The following USO1 variants were observed in gnomAD, a reference collection of about 807,000 sequenced individuals.
USO1 encodes general vesicular transport factor p115.
Under a neutral mutation model 124.5 loss-of-function variants are expected in USO1, and 57 were observed. That is an observed-to-expected ratio of 0.46 (90% CI 0.37 to 0.57). USO1 has a LOEUF of 0.57. USO1 is among the 20% of genes least tolerant of loss of function. USO1 has a pLI of 0.00. For missense variants in USO1, 900 were observed against 1,040.6 expected (o/e 0.86, Z 1.86); for synonymous variants, 369 against 362.8 (o/e 1.02, Z -0.19).
At chr4:75,755,291 C>G (rs186599323) in intron 3 of USO1, among the ~76,000 whole-genome samples, 1 of 152,150 alleles carries the variant, frequency 6.6e-6, no homozygotes, top group Non-Finnish European at 1.5e-5. Flanking sequence ...AGAGATGAAT[C>G]GAAAAGTTTT....
intron 10 of USO1, 80 bp from the exon 11 acceptor site, chr4:75,790,070 G>T (rs191926431): frequency 0.018 from 23,362 of 1,298,708 alleles, 293 homozygotes; most frequent in South Asian, 0.028. Flanking sequence ...AAAAAAAAAA[G>T]ATTTTTTTTC....
chr4:75,755,360 A>G (rs1291809030), intron 3 of USO1: 1 of 465,172 alleles, frequency 2.1e-6, no homozygotes, highest in Non-Finnish European at 4.3e-6. Flanking sequence ...GTCTCTTTGT[A>G]TTTCCATTCA....
At chr4:75,801,390 G>C (rs575463893) in intron 17 of USO1, among the ~76,000 whole-genome samples, 190 bp downstream of exon 17, 1 of 152,314 alleles carries the variant, frequency 6.6e-6, no homozygotes, top group Admixed American at 6.5e-5. Context: ...TGATTTATTA[G>C]ATAATGATGA....
chr4:75,753,667 G>A (rs954126289), intron 3 of USO1, among the ~76,000 whole-genome samples: 18 of 151,954 alleles, frequency 1.2e-4, no homozygotes, highest in Admixed American at 2.0e-4. Flanking sequence ...GCAGTGAGCC[G>A]TGATCATACC....
chr4:75,756,734 A>C (rs183286397), intron 3 of USO1, among the ~76,000 whole-genome samples: 437 of 151,870 alleles, frequency 2.9e-3, no homozygotes, highest in African/African-American at 1.0e-2. Flanking sequence ...GCTGGTCTCG[A>C]ACTCCCAACT....
At chr4:75,741,984 C>T (rs532795700) in intron 1 of USO1, among the ~76,000 whole-genome samples, 2 of 152,304 alleles carry the variant, frequency 1.3e-5, no homozygotes, top group Admixed American at 1.3e-4. Flanking sequence ...CTACCCTCAT[C>T]TCTTGTTCCA....
At chr4:75,749,506 A>G (rs1358283962) in intron 1 of USO1, among the ~76,000 whole-genome samples, 2 of 145,688 alleles carry the variant, frequency 1.4e-5, no homozygotes, top group African/African-American at 5.1e-5. Flanking sequence ...AGTTCAAGTG[A>G]TCCACCTGCC....
chr4:75,808,995 G>A lies in USO1; in HGVS notation c.2419G>A (p.Glu807Lys), dbSNP rs774235671. The change falls in exon 21 of 24, where the codon GAG becomes AAG. Residue 807 changes from glutamate to lysine, a missense_variant. Coordinates refer to ENST00000514213, the MANE Select transcript of USO1 (RefSeq NM_003715.4). ...GTCTCAGTTAAACTCACAATCTGTGGAGATCACCAAACTACAGACAGAAAA... is the reference window on the plus strand; with the variant it reads ...GTCTCAGTTAAACTCACAATCTGTGAAGATCACCAAACTACAGACAGAAAA... ...LKSQLNSQSV[E>K]ITKLQTEKQE... 1.9e-6 allele frequency: 3 copies of A among 1,605,256 alleles called. No homozygotes were observed. The highest frequency in any genetic ancestry group is 4.5e-5 in the East Asian group (2 of 44,610).
At chr4:75,805,005 G>T in intron 18 of USO1, 135 bp from the exon 19 acceptor site, 5 of 1,215,516 alleles carry the variant, frequency 4.1e-6, no homozygotes, top group Non-Finnish European at 5.6e-6. Context: ...ATACCATTCT[G>T]CAAAGATGAA....
At chr4:75,750,429 C>G (rs1214305477) in intron 1 of USO1, among the ~76,000 whole-genome samples, 2 of 9,616 alleles carry the variant, frequency 2.1e-4, no homozygotes, top group Non-Finnish European at 3.9e-4. Context: ...TAGAGCAAGA[C>G]CCCATCTAAA....
intron 13 of USO1, chr4:75,795,254 A>G: frequency 1.4e-6 from 1 of 694,862 alleles, no homozygotes; most frequent in East Asian, 2.7e-5. Context: ...AGACTATGAA[A>G]AAGTATTTGA....
At chr4:75,760,935 T>G (rs1721588570) in intron 4 of USO1, among the ~76,000 whole-genome samples, 1 of 152,138 alleles carries the variant, frequency 6.6e-6, no homozygotes, top group Non-Finnish European at 1.5e-5. Flanking sequence ...TCACTTGAGG[T>G]CGGGAGTTCA....
chr4:75,795,155 C>A (rs1479166218), intron 13 of USO1, among the ~76,000 whole-genome samples: 1 of 152,144 alleles, frequency 6.6e-6, no homozygotes, highest in African/African-American at 2.4e-5. Flanking sequence ...AAATATATAG[C>A]CTCTAAATGT....
At chr4:75,784,885 A>T (rs1253325532) in intron 9 of USO1, among the ~76,000 whole-genome samples, 1 of 152,186 alleles carries the variant, frequency 6.6e-6, no homozygotes, top group Non-Finnish European at 1.5e-5. Flanking sequence ...ATTCTTTAAG[A>T]ATTCTTTACT....
chr4:75,804,461 T>G (rs928236135), intron 18 of USO1, among the ~76,000 whole-genome samples, 189 bp downstream of exon 18: 3 of 152,194 alleles, frequency 2.0e-5, no homozygotes, highest in African/African-American at 7.2e-5. Flanking sequence ...CCTTTAGAGA[T>G]TGAAGTCCAA....
intron 13 of USO1, among the ~76,000 whole-genome samples, chr4:75,797,549 T>C (rs1368675288): frequency 1.5e-5 from 2 of 137,000 alleles, no homozygotes; most frequent in African/African-American, 5.4e-5. Context: ...CATGTTGTTT[T>C]GTTCCAGAAG....
At chr4:75,793,033 A>C (rs1034010101) in intron 12 of USO1, among the ~76,000 whole-genome samples, 1 of 152,086 alleles carries the variant, frequency 6.6e-6, no homozygotes, top group African/African-American at 2.4e-5. Context: ...ATTTCACTTA[A>C]TATAATGATC....
At chr4:75,756,792 C>T (rs200432674) in intron 3 of USO1, among the ~76,000 whole-genome samples, 1 of 151,660 alleles carries the variant, frequency 6.6e-6, no homozygotes, top group African/African-American at 2.4e-5. Context: ...GGATTACAGG[C>T]GTGAGCAACC....
chr4:75,776,997 C>G (rs903054117), intron 8 of USO1, among the ~76,000 whole-genome samples: 1 of 152,142 alleles, frequency 6.6e-6, no homozygotes, highest in Non-Finnish European at 1.5e-5. Flanking sequence ...TTTTCATCAT[C>G]TTCCTTGCAT....
Sources: allele counts gnomAD v4.1 joint callset (sites outside exome capture counted in the v4.1 genomes callset), GRCh38; gene constraint gnomAD v4.1.1; transcripts MANE v1.5; gene names NCBI Gene and HGNC (gene_info 2026-07-23, HGNC 2026-07-21).